The following ASH1L variants were observed in gnomAD, a reference collection of about 807,000 sequenced individuals.
ASH1L encodes ASH1 like histone lysine methyltransferase, also known as histone-lysine N-methyltransferase ASH1L.
In ASH1L, 23 loss-of-function variants were observed where a neutral mutation model predicts 269.0. The ratio of observed to expected loss-of-function variants is 0.09; its 90% CI spans 0.06 to 0.12. The LOEUF is 0.12. Among genes scored for constraint, ASH1L ranks in the 10% least tolerant of loss-of-function variants. The probability of loss-of-function intolerance (pLI) is 1.00; values close to 1 mark genes in which losing one functional copy is unlikely to be tolerated. For missense variants in ASH1L, 2,912 were observed against 3,567.8 expected, an observed-to-expected ratio of 0.82 and a Z score of 4.68; for synonymous variants, 1,187 against 1,253.5, an observed-to-expected ratio of 0.95 and a Z score of 1.12.
intron 17 of ASH1L, among the ~76,000 whole-genome samples, chr1:155,350,365 C>T (rs1653787663): frequency 6.6e-6 from 1 of 152,022 alleles, no homozygotes; most frequent in Admixed American, 6.6e-5. Flanking sequence ...GCCACTTTTT[C>T]AGATATGTAG....
intron 6 of ASH1L, 102 bp downstream of exon 6, chr1:155,415,642 G>A (rs994500448): frequency 1.3e-5 from 18 of 1,349,968 alleles, no homozygotes; most frequent in South Asian, 5.4e-5. Flanking sequence ...CAATCATCAC[G>A]CTTATGAAAC....
In ASH1L at chr1:155,481,817, C is replaced by T. The variant is rs1261289409; in HGVS notation, c.1053G>A (p.Val351=). Reference sequence around the variant, plus strand: ...CTAACTTCTTGCCAGACTCTTTATGCACTAAACCTGGAACAATACCAATTC... The same window carrying T: ...CTAACTTCTTGCCAGACTCTTTATGTACTAAACCTGGAACAATACCAATTC... ...KLGIGIVPGL[V]HKESGKKLGL... is the part of the protein sequence containing the mutation. Residue 351 remains valine (V), a synonymous_variant, in exon 3 of 28, where the codon GTG becomes GTA. Coordinates refer to ENST00000392403, the MANE Select transcript of ASH1L (RefSeq NM_018489.3). The T allele has an allele frequency of 1.2e-6, 2 of 1,614,118 alleles. No individual in the cohort carries two copies. Among genetic ancestry groups the T allele is most frequent in the Admixed American group, 3.3e-5 (2 of 60,014 alleles).
chr1:155,521,475 G>T lies in ASH1L; in HGVS notation c.45C>A (p.Ser15=). ...AAGGACTCTTTCTTGAAAAACCTTC[G>T]GAATCAGAACCCAATCCTAACATAG... ...NTAMLGLGSD[S]EGFSRKSPSA... Residue 15 remains serine, a synonymous_variant, in exon 2 of 28, where the codon TCC becomes TCA. Transcript: ENST00000392403. The T allele has an allele frequency of 6.2e-7, 1 of 1,613,804 alleles. No homozygotes were observed. The highest frequency in any genetic ancestry group is 8.5e-7 in the Non-Finnish European group (1 of 1,179,968).
chr1:155,562,884 C>T (rs1413943444), upstream of ASH1L: 5 of 453,306 alleles, frequency 1.1e-5, no homozygotes, highest in South Asian at 6.2e-5. Context: ...CCACGGCCGC[C>T]GCCGCCGCCG....
chr1:155,524,816 G>C (rs770273878), intron 1 of ASH1L, among the ~76,000 whole-genome samples: 8 of 151,658 alleles, frequency 5.3e-5, no homozygotes, highest in Admixed American at 2.0e-4. Flanking sequence ...CTCTAGCTTG[G>C]GCAACAGAAC....
At chr1:155,487,255 T>A (rs1347798350) in intron 2 of ASH1L, among the ~76,000 whole-genome samples, 1 of 151,990 alleles carries the variant, frequency 6.6e-6, no homozygotes, top group Admixed American at 6.5e-5. Context: ...TTCATTTATA[T>A]AAAGACCACA....
chr1:155,556,677 G>A (rs1671617697), intron 1 of ASH1L, among the ~76,000 whole-genome samples: 4 of 152,080 alleles, frequency 2.6e-5, no homozygotes, highest in African/African-American at 4.8e-5. Context: ...TCCTGACCTC[G>A]TGATCTGCCC....
chr1:155,441,454 CTTTTTTTTTTT>C lies in ASH1L; in HGVS notation c.5087-2397_5087-2387del, dbSNP rs34682576. Among the ~76,000 whole-genome samples, 16 of 73,626 alleles carry C rather than the reference CTTTTTTTTTTT, an allele frequency of 2.2e-4. 1 individual carries two copies. Among genetic ancestry groups the C allele is most frequent in the East Asian group, 6.7e-4 (1 of 1,494 alleles). 48.3% of individuals were successfully genotyped at this position (73,626 alleles called of 152,430 possible). On this transcript the variant is annotated intron_variant, in intron 4 of 27. Transcript: ENST00000392403. ...CCACCAGATATTTGAATAAAGAATC[CTTTTTTTTTTT>C]TTTTTTTTTTTTTTTGAGACGGAGT...
chr1:155,490,580 G>A (rs752644450), intron 2 of ASH1L, among the ~76,000 whole-genome samples: 14 of 149,674 alleles, frequency 9.4e-5, no homozygotes, highest in South Asian at 2.1e-4. Flanking sequence ...ATCGCACCAC[G>A]GCACTCCAGT....
In ASH1L at chr1:155,557,588, ATTATT is replaced by A. The variant is rs921171518; in HGVS notation, c.-100+4560_-100+4564del. ...AGCCACCACGCCCGGCCTAGAAATC[ATTATT>A]TTAAAGTTAATTTTGATAAATATCA... On this transcript the variant is annotated intron_variant, in intron 1 of 27. Coordinates refer to ENST00000392403, the MANE Select transcript of ASH1L (RefSeq NM_018489.3). 3.9e-5 allele frequency among the ~76,000 whole-genome samples: 6 copies of A among 152,038 alleles called. No homozygotes were observed. The East Asian group carries it at 5.8e-4, about 15-fold the overall frequency.
intron 1 of ASH1L, among the ~76,000 whole-genome samples, chr1:155,545,556 A>G (rs1227509665): frequency 6.6e-6 from 1 of 151,998 alleles, no homozygotes; most frequent in East Asian, 1.9e-4. Flanking sequence ...TCCTATATAG[A>G]GAAAAAATTA....
At position 155,349,564 on chromosome 1, in the gene ASH1L, A is replaced by G. The variant is rs1653686055; in HGVS notation, c.7399T>C (p.Leu2467=). The G allele has an allele frequency of 3.1e-6, 5 of 1,614,118 alleles. No individual in the cohort carries two copies. Among genetic ancestry groups the G allele is most frequent in the Non-Finnish European group, 4.2e-6 (5 of 1,180,004 alleles). Residue 2467 remains leucine, a synonymous_variant, in exon 18 of 28, where the codon TTG becomes CTG. Transcript: ENST00000392403. The part of the protein sequence containing the change: ...SSRQALAAPL[L]NLPPKKKNAD... ...TACTTTTTCTTTGGGGGAAGGTTCA[A>G]AAGTGGAGCTGCCAGTGCTTGCCGG... is the stretch of plus-strand genomic sequence containing the variant.
chr1:155,438,489 C>T lies in ASH1L; in HGVS notation c.5666G>A (p.Ser1889Asn). Residue 1889 changes from serine (S) to asparagine (N), a missense_variant, in exon 5 of 28, where the codon AGT (serine) becomes AAT (asparagine). This residue lies in a region of ASH1L where 789 missense variants were observed against 897.6 expected (regional missense o/e 0.88). Coordinates refer to ENST00000392403, the MANE Select transcript of ASH1L (RefSeq NM_018489.3). ...RDEEGAALHLSPDTVTDVIEA... is the reference protein window; with the variant it reads ...RDEEGAALHLNPDTVTDVIEA... ...AATTACATCTGTAACTGTGTCAGGACTGAGGTGCAGTGCTGCTCCTTCCTC... is the reference window on the plus strand; with the variant it reads ...AATTACATCTGTAACTGTGTCAGGATTGAGGTGCAGTGCTGCTCCTTCCTC... 6.2e-7 allele frequency: 1 copy of T among 1,613,760 alleles called. No homozygotes were observed. Among genetic ancestry groups the T allele is most frequent in the African/African-American group, 1.3e-5 (1 of 75,022 alleles).
rs148736253 is a variant in ASH1L, at chr1:155,413,232, C to G, written c.6008+2512G>C. On this transcript the variant is annotated intron_variant, in intron 6 of 27. Coordinates refer to ENST00000392403, the MANE Select transcript of ASH1L (RefSeq NM_018489.3). ...GAGTAATGACCATTATTTCCGCAACCTGTCTTATGGCTAAAGTGTGGCTAT... is the reference window on the plus strand; with the variant it reads ...GAGTAATGACCATTATTTCCGCAACGTGTCTTATGGCTAAAGTGTGGCTAT... Among the ~76,000 whole-genome samples, 673 of 152,148 alleles carry G rather than the reference C, an allele frequency of 4.4e-3. 4 individuals are homozygous for G. Among genetic ancestry groups the G allele is most frequent in the South Asian group, 0.022 (104 of 4,818 alleles).
chr1:155,519,838 T>C (rs1241332170), intron 2 of ASH1L, among the ~76,000 whole-genome samples: 1 of 151,922 alleles, frequency 6.6e-6, no homozygotes, highest in Non-Finnish European at 1.5e-5. Flanking sequence ...TTTGTATTTT[T>C]AGTAGAGACG....
chr1:155,419,724 T>C (rs1660515068), intron 5 of ASH1L, among the ~76,000 whole-genome samples: 1 of 152,220 alleles, frequency 6.6e-6, no homozygotes, highest in Non-Finnish European at 1.5e-5. Context: ...GTTTCCCTAT[T>C]ATTAAGGACA....
intron 4 of ASH1L, among the ~76,000 whole-genome samples, chr1:155,441,702 A>G (rs1398939731): frequency 6.7e-6 from 1 of 150,208 alleles, no homozygotes; most frequent in Non-Finnish European, 1.5e-5. Context: ...TCCTGACCTC[A>G]TGATCTGCCC....
intron 3 of ASH1L, among the ~76,000 whole-genome samples, chr1:155,472,451 T>G (rs1343247488): frequency 6.6e-6 from 1 of 152,164 alleles, no homozygotes; most frequent in African/African-American, 2.4e-5. Context: ...CTTGGGTAAT[T>G]TCAATGTCCA....
intron 1 of ASH1L, among the ~76,000 whole-genome samples, chr1:155,527,936 C>T (rs746108231): frequency 7.2e-5 from 11 of 152,208 alleles, no homozygotes; most frequent in South Asian, 2.1e-4. Context: ...CCTTTAAATA[C>T]TGGAGTGACG....
Sources: allele counts gnomAD v4.1 joint callset (sites outside exome capture counted in the v4.1 genomes callset), GRCh38; gene constraint gnomAD v4.1.1; regional missense constraint gnomAD v4.1.1; transcripts MANE v1.5; gene names NCBI Gene and HGNC (gene_info 2026-07-23, HGNC 2026-07-21).